The following HDAC4 variants were observed in gnomAD, a reference collection of about 807,000 sequenced individuals.
HDAC4 encodes histone deacetylase 4.
Under a neutral mutation model 135.1 loss-of-function variants are expected in HDAC4, and 16 were observed. The ratio of observed to expected loss-of-function variants is 0.12; its 90% confidence interval spans 0.08 to 0.18. The LOEUF (loss-of-function observed/expected upper bound fraction) is 0.18, where lower values mean the gene tolerates loss of function less well. HDAC4 is among the 10% of genes least tolerant of loss of function. The probability of loss-of-function intolerance (pLI) is 1.00; values close to 1 mark genes in which losing one functional copy is unlikely to be tolerated. For missense variants in HDAC4, 1,143 were observed against 1,511.8 expected (o/e 0.76, Z 4.05); for synonymous variants, 685 against 653.4 (o/e 1.05, Z -0.74).
chr2:239,119,997 CCCGTGGACAGGAGAGTGAG>C (rs1285267054), intron 12 of HDAC4, among the ~76,000 whole-genome samples: 2 of 62,368 alleles, frequency 3.2e-5, no homozygotes, highest in African/African-American at 6.9e-5. Context: ...GTGGGGACCA[CCCGTGGACAGGAGAGTGAG>C]CAGGAGGCAC....
intron 19 of HDAC4, 90 bp downstream of exon 19, chr2:239,087,468 TC>T: frequency 1.6e-6 from 2 of 1,284,222 alleles, no homozygotes; most frequent in Non-Finnish European, 2.2e-6. Flanking sequence ...GCAGCCCAGC[TC>T]CCCGCAGTCA....
chr2:239,341,060 T>A (rs532237911), intron 2 of HDAC4, among the ~76,000 whole-genome samples: 1 of 152,270 alleles, frequency 6.6e-6, no homozygotes, highest in East Asian at 1.9e-4. Flanking sequence ...AAACTAAAAC[T>A]CCTCATCTCT....
At chr2:239,153,200 A>G (rs894182923) in intron 7 of HDAC4, among the ~76,000 whole-genome samples, 38 of 152,244 alleles carry the variant, frequency 2.5e-4, no homozygotes, top group African/African-American at 7.7e-4. Flanking sequence ...AGCAAAGGAC[A>G]TGCAAAAAAT....
chr2:239,168,343 C>T (rs900966844), intron 5 of HDAC4, among the ~76,000 whole-genome samples: 1 of 152,190 alleles, frequency 6.6e-6, no homozygotes, highest in African/African-American at 2.4e-5. Flanking sequence ...ATGTGAAGAG[C>T]CGTGTCTTAG....
chr2:239,344,953 T>C (rs1427180822), intron 2 of HDAC4, among the ~76,000 whole-genome samples: 1 of 152,116 alleles, frequency 6.6e-6, no homozygotes, highest in Non-Finnish European at 1.5e-5. Flanking sequence ...GCAGGGGCCA[T>C]GAACAAGCTC....
At chr2:239,074,715 C>T (rs558400955) in intron 22 of HDAC4, among the ~76,000 whole-genome samples, 24 of 152,288 alleles carry the variant, frequency 1.6e-4, no homozygotes, top group Middle Eastern at 3.4e-3. Context: ...CCGTTTGTGG[C>T]GCGACTAAGA....
chr2:239,073,764 C>T (rs1389444697), intron 22 of HDAC4, among the ~76,000 whole-genome samples: 3 of 152,258 alleles, frequency 2.0e-5, no homozygotes, highest in East Asian at 1.9e-4. Context: ...TCGGCACTCC[C>T]GCCGCAGGGC....
At chr2:239,073,476 C>T (rs1289416791) in intron 22 of HDAC4, among the ~76,000 whole-genome samples, 1 of 152,248 alleles carries the variant, frequency 6.6e-6, no homozygotes, top group Non-Finnish European at 1.5e-5. Context: ...CAAGACAGGA[C>T]AGACAGTGCA....
chr2:239,264,373 G>A (rs761563131), intron 2 of HDAC4, among the ~76,000 whole-genome samples: 2 of 152,238 alleles, frequency 1.3e-5, no homozygotes, highest in Non-Finnish European at 1.5e-5. Context: ...AAAGACCGTG[G>A]GGGCAGGAAA....
chr2:239,109,043 C>G (rs983114851), intron 14 of HDAC4, among the ~76,000 whole-genome samples: 1 of 152,230 alleles, frequency 6.6e-6, no homozygotes, highest in Non-Finnish European at 1.5e-5. Context: ...GCTAGAGATG[C>G]GAGGGAAGGC....
rs371554852 is a variant in HDAC4, at chr2:239,312,126, C to T, written c.22+40552G>A. On this transcript the variant is annotated intron_variant, in intron 2 of 26. Coordinates refer to ENST00000543185, the MANE Select transcript of HDAC4 (RefSeq NM_001378414.1). Reference sequence around the variant, plus strand: ...TGACATCACTGTCACCATCACAAAACACTGGCCACCAAGGTGCCACCTACC... The same window carrying T: ...TGACATCACTGTCACCATCACAAAATACTGGCCACCAAGGTGCCACCTACC... 5.3e-5 allele frequency among the ~76,000 whole-genome samples: 8 copies of T among 152,336 alleles called. No homozygotes were observed. The South Asian group carries it at 1.5e-3, about 28-fold the overall frequency.
At chr2:239,203,114 G>A (rs936916926) in intron 3 of HDAC4, among the ~76,000 whole-genome samples, 2 of 152,170 alleles carry the variant, frequency 1.3e-5, no homozygotes, top group Non-Finnish European at 2.9e-5. Context: ...AGAAGCTACC[G>A]CGAAAAGGCC....
intron 22 of HDAC4, among the ~76,000 whole-genome samples, chr2:239,075,821 G>A (rs2034692212): frequency 1.3e-5 from 2 of 152,232 alleles, no homozygotes; most frequent in South Asian, 4.1e-4. Flanking sequence ...AGCTGGGCTG[G>A]GACAGCAGAC....
At chr2:239,256,158 A>G (rs961662267) in intron 2 of HDAC4, among the ~76,000 whole-genome samples, 2 of 152,248 alleles carry the variant, frequency 1.3e-5, no homozygotes, top group African/African-American at 2.4e-5. Flanking sequence ...AGTTTGAAAC[A>G]TTCTCAGAGA....
In HDAC4 at chr2:239,264,581, G is replaced by A. The variant is rs143637116; in HGVS notation, c.23-27917C>T. On this transcript the variant is annotated intron_variant, in intron 2 of 26. Coordinates refer to ENST00000543185, the MANE Select transcript of HDAC4 (RefSeq NM_001378414.1). ...AGCCGAGGCCCTCCTGATCCTAAGT[G>A]GCCAACAGGGTGCTTTGAGTGATGC... Among the ~76,000 whole-genome samples, 16 of 152,350 alleles carry A rather than the reference G, an allele frequency of 1.1e-4. No individual in the cohort carries two copies. In the East Asian group the frequency reaches 2.9e-3, roughly 28 times the overall value.
At position 239,053,604 on chromosome 2, in the gene HDAC4, G is replaced by A. The variant is rs1427647491; in HGVS notation, c.3089-3C>T. ...CTGCAGGCAGCGCCAGTACTTGCCT[G>A]GGGTGGTGGGGTGAGGAAAGTCGCT... is the stretch of plus-strand genomic sequence containing the variant. On this transcript the variant is annotated splice_region_variant and splice_polypyrimidine_tract_variant and intron_variant, in intron 25 of 26. Transcript: ENST00000543185. 1.9e-6 allele frequency: 3 copies of A among 1,613,014 alleles called. No homozygotes were observed. Among genetic ancestry groups the A allele is most frequent in the African/African-American group, 1.3e-5 (1 of 74,944 alleles).
intron 18 of HDAC4, among the ~76,000 whole-genome samples, chr2:239,087,910 G>T (rs994122373): frequency 1.3e-5 from 2 of 152,174 alleles, no homozygotes; most frequent in Non-Finnish European, 2.9e-5. Context: ...GAGGCGTGGT[G>T]CCCTTGGCTC....
chr2:239,061,381 G>A (rs1207971834), intron 24 of HDAC4, among the ~76,000 whole-genome samples: 1 of 151,778 alleles, frequency 6.6e-6, no homozygotes, highest in Non-Finnish European at 1.5e-5. Flanking sequence ...CTGTGTGGGT[G>A]TGCGTGTGTG....
chr2:239,275,818 A>G (rs2050325621), intron 2 of HDAC4, among the ~76,000 whole-genome samples: 1 of 152,130 alleles, frequency 6.6e-6, no homozygotes, highest in Non-Finnish European at 1.5e-5. Flanking sequence ...AGGGAGGGGA[A>G]GACACCCAGG....
Sources: gnomAD v4.1 joint callset for allele counts (sites outside exome capture counted in the v4.1 genomes callset) on GRCh38, gnomAD v4.1.1 for gene constraint, MANE v1.5 for transcripts, NCBI Gene and HGNC (gene_info 2026-07-23, HGNC 2026-07-21) for gene names.